UNC79: variants seen among roughly 807,000 people sequenced by gnomAD.
The protein encoded by UNC79 is protein unc-79 homolog.
A neutral mutation model predicts 283.1 loss-of-function variants in UNC79; 37 were observed. That is an observed-to-expected ratio of 0.13 (90% CI 0.10 to 0.17). The LOEUF (loss-of-function observed/expected upper bound fraction) is 0.17. Ranked by LOEUF, UNC79 falls within the 10% of genes least tolerant of loss-of-function variation. The probability of loss-of-function intolerance (pLI) is 1.00; values close to 1 mark genes in which losing one functional copy is unlikely to be tolerated. For missense variants in UNC79, 2,272 were observed against 3,211.1 expected (o/e 0.71, Z 7.07); for synonymous variants, 1,107 against 1,200.2 (o/e 0.92, Z 1.61).
intron 26 of UNC79, among the ~76,000 whole-genome samples, chr14:93,611,498 C>T (rs1429437662): frequency 6.6e-6 from 1 of 152,210 alleles, no homozygotes; most frequent in Non-Finnish European, 1.5e-5. Context: ...CTTCATGCTC[C>T]TATCCCAGAG....
In UNC79 at chr14:93,386,927, C is replaced by CTTTT. The variant is rs35267402; in HGVS notation, c.-351+53433_-351+53436dup. 8.1e-4 allele frequency among the ~76,000 whole-genome samples: 22 copies of CTTTT among 27,190 alleles called. 3 individuals are homozygous for CTTTT. Among genetic ancestry groups the CTTTT allele is most frequent in the Non-Finnish European group, 1.1e-3 (18 of 16,382 alleles). The allele number at this position is 27,190 out of a possible 152,430, so 17.8% of individuals were successfully genotyped here. On this transcript the variant is annotated intron_variant, in intron 1 of 49. Transcript: ENST00000256339. ...TTCATTTCAATTTCATGTATTTCTG[C>CTTTT]TTTTTTTTTTTTTTTTTTTTTTTTT...
intron 1 of UNC79, among the ~76,000 whole-genome samples, chr14:93,386,858 T>A (rs1038681943): frequency 6.6e-6 from 1 of 151,624 alleles, no homozygotes; most frequent in Non-Finnish European, 1.5e-5. Context: ...TTTATCTTTT[T>A]AAAAAACCAA....
In UNC79 at chr14:93,483,036, C is replaced by T. The variant is rs182567219; in HGVS notation, c.620-4627C>T. Reference sequence around the variant, plus strand: ...CCTTTCTGCAGTTTCACAAAGGCACCACACTTTTGCTTTTGCTCCATGCTT... The same window carrying T: ...CCTTTCTGCAGTTTCACAAAGGCACTACACTTTTGCTTTTGCTCCATGCTT... On this transcript the variant is annotated intron_variant, in intron 4 of 48. Transcript: ENST00000555664. Among the ~76,000 whole-genome samples the T allele has an allele frequency of 4.1e-3, 617 of 152,270 alleles. 5 individuals carry two copies. Among genetic ancestry groups the T allele is most frequent in the African/African-American group, 0.013 (542 of 41,542 alleles).
upstream of UNC79, among the ~76,000 whole-genome samples, chr14:93,429,940 TTGAG>T (rs1487148051): frequency 6.6e-6 from 1 of 152,118 alleles, no homozygotes; most frequent in African/African-American, 2.4e-5. Flanking sequence ...AAGATGGTCC[TTGAG>T]TGAGTAAGTG....
chr14:93,647,753 A>G (rs2140278934), intron 35 of UNC79, among the ~76,000 whole-genome samples: 1 of 152,286 alleles, frequency 6.6e-6, no homozygotes, highest in Non-Finnish European at 1.5e-5. Context: ...GTCCACTTTC[A>G]CACTGCTGAT....
At chr14:93,568,443 G>A (rs1446505077) in intron 14 of UNC79, among the ~76,000 whole-genome samples, 1 of 152,130 alleles carries the variant, frequency 6.6e-6, no homozygotes, top group Admixed American at 6.5e-5. Context: ...GGAGGCCGAG[G>A]AGCATGGATC....
chr14:93,509,807 C>A (rs2059729343), intron 7 of UNC79, among the ~76,000 whole-genome samples: 1 of 152,188 alleles, frequency 6.6e-6, no homozygotes, highest in Admixed American at 6.5e-5. Context: ...ATCGTTGGAT[C>A]TACCATTCTG....
intron 7 of UNC79, among the ~76,000 whole-genome samples, chr14:93,523,252 G>A (rs2060406540): frequency 6.6e-6 from 1 of 152,146 alleles, no homozygotes; most frequent in African/African-American, 2.4e-5. Flanking sequence ...CATTCTGTGT[G>A]TATACTGAGC....
At chr14:93,663,340 C>T (rs2071804168) in intron 40 of UNC79, among the ~76,000 whole-genome samples, 1 of 152,188 alleles carries the variant, frequency 6.6e-6, no homozygotes, top group Non-Finnish European at 1.5e-5. Context: ...CTGGTAGATG[C>T]TGTCCTAATG....
At chr14:93,436,961 G>A (rs979497831) in intron 1 of UNC79, among the ~76,000 whole-genome samples, 10 of 152,020 alleles carry the variant, frequency 6.6e-5, no homozygotes, top group Non-Finnish European at 1.2e-4. Flanking sequence ...AAACTGGAGT[G>A]GTGTTCAGCA....
At chr14:93,460,190 C>T (rs1361319487) in intron 1 of UNC79, among the ~76,000 whole-genome samples, 1 of 103,828 alleles carries the variant, frequency 9.6e-6, no homozygotes, top group Non-Finnish European at 1.8e-5. Flanking sequence ...GGAGACAGAC[C>T]AAGATTCCGT....
chr14:93,442,953 G>T (rs1292630494), intron 1 of UNC79, among the ~76,000 whole-genome samples: 1 of 152,164 alleles, frequency 6.6e-6, no homozygotes, highest in Non-Finnish European at 1.5e-5. Flanking sequence ...GCAGGGCATA[G>T]TGGTGCATGC....
At chr14:93,394,367 T>TTTTATTTTAC (rs1317659599) in intron 1 of UNC79, among the ~76,000 whole-genome samples, 24 of 137,244 alleles carry the variant, frequency 1.7e-4, no homozygotes, top group African/African-American at 6.0e-4. Context: ...TTTTATTTTA[T>TTTTATTTTAC]TTTATTTTAT....
chr14:93,502,263 A>C (rs746361435), intron 7 of UNC79, among the ~76,000 whole-genome samples: 1 of 152,024 alleles, frequency 6.6e-6, no homozygotes, highest in Non-Finnish European at 1.5e-5. Flanking sequence ...AATACAAAAA[A>C]AATTCCGGGT....
chr14:93,653,113 CT>C (rs1434047733), intron 35 of UNC79, among the ~76,000 whole-genome samples: 1 of 152,084 alleles, frequency 6.6e-6, no homozygotes, highest in African/African-American at 2.4e-5. Flanking sequence ...AACTTACCCC[CT>C]AACTACATCA....
At chr14:93,674,649 T>C (rs2073173612) in intron 41 of UNC79, among the ~76,000 whole-genome samples, 1 of 152,176 alleles carries the variant, frequency 6.6e-6, no homozygotes, top group South Asian at 2.1e-4. Context: ...TGAAGGAATA[T>C]GGGAGCTTGG....
Position 93,531,156 on chromosome 14 carries a change from A to C in UNC79, c.1094-1394A>C, listed in dbSNP as rs1476681999. Reference sequence around the variant, plus strand: ...TATTCATCTTTAGAGGAATATTGGCAATAACTTTTCATTACTTATACAGAC... The same window carrying C: ...TATTCATCTTTAGAGGAATATTGGCCATAACTTTTCATTACTTATACAGAC... On this transcript the variant is annotated intron_variant, in intron 10 of 48. Coordinates refer to ENST00000555664, the Ensembl canonical transcript of UNC79. The surrounding 1 kb of genome is among the most constrained non-coding windows in gnomAD (Gnocchi z 4.2). 1.3e-5 allele frequency among the ~76,000 whole-genome samples: 2 copies of C among 152,186 alleles called. No homozygotes were observed. The highest frequency in any genetic ancestry group is 4.8e-5 in the African/African-American group (2 of 41,434).
chr14:93,455,748 G>A (rs1220786891), intron 1 of UNC79, among the ~76,000 whole-genome samples: 1 of 152,162 alleles, frequency 6.6e-6, no homozygotes, highest in Admixed American at 6.5e-5. Context: ...CTGTGAGATA[G>A]ATATGATTAC....
exon 16 of UNC79, chr14:93,572,714 C>G: frequency 6.2e-7 from 1 of 1,614,092 alleles, no homozygotes; most frequent in Non-Finnish European, 8.5e-7. Flanking sequence ...ACATTGAACT[C>G]TGTCCTCTGC....
Sources: allele counts gnomAD v4.1 joint callset (sites outside exome capture counted in the v4.1 genomes callset), GRCh38; gene constraint gnomAD v4.1.1; non-coding constraint Gnocchi (gnomAD v3.1); transcripts MANE v1.5; gene names NCBI Gene and HGNC (gene_info 2026-07-23, HGNC 2026-07-21).